DIP2B: variants seen among roughly 807,000 people sequenced by gnomAD.
DIP2B encodes disco-interacting protein 2 homolog B.
In DIP2B, 76 loss-of-function variants were observed where a neutral mutation model predicts 198.0. That is an observed-to-expected ratio of 0.38 (90% CI 0.32 to 0.46). The LOEUF (loss-of-function observed/expected upper bound fraction) is 0.46. Ranked by LOEUF, DIP2B falls within the 20% of genes least tolerant of loss-of-function variation. The pLI, the probability that DIP2B is intolerant of heterozygous loss-of-function variation, is 0.99. For missense variants in DIP2B, 1,559 were observed against 1,978.4 expected (o/e 0.79, Z 4.02); for synonymous variants, 701 against 739.1 (o/e 0.95, Z 0.84).
intron 3 of DIP2B, among the ~76,000 whole-genome samples, chr12:50,641,310 T>C (rs913833332): frequency 6.6e-5 from 10 of 152,050 alleles, no homozygotes; most frequent in African/African-American, 2.4e-4. Flanking sequence ...TGAGCTGAGA[T>C]CCCACCACTG....
chr12:50,547,282 C>A (rs768821920), intron 1 of DIP2B, among the ~76,000 whole-genome samples: 20 of 152,078 alleles, frequency 1.3e-4, no homozygotes, highest in Non-Finnish European at 2.5e-4. Flanking sequence ...GATGACTGTA[C>A]AACACTAGAG....
chr12:50,622,764 A>C (rs1565848240), intron 1 of DIP2B, among the ~76,000 whole-genome samples: 1 of 152,148 alleles, frequency 6.6e-6, no homozygotes, highest in Non-Finnish European at 1.5e-5. Context: ...GGCACGCGCC[A>C]CCACTCTCAG....
chr12:50,687,469 C>T (rs774528625), intron 12 of DIP2B, among the ~76,000 whole-genome samples: 16 of 152,028 alleles, frequency 1.1e-4, no homozygotes, highest in Non-Finnish European at 2.4e-4. Context: ...AAATTTTTTT[C>T]AAGATCTGGG....
At chr12:50,690,414 A>G (rs1375403075) in intron 12 of DIP2B, among the ~76,000 whole-genome samples, 2 of 152,110 alleles carry the variant, frequency 1.3e-5, no homozygotes, top group Non-Finnish European at 2.9e-5. Flanking sequence ...AACTGGGCAC[A>G]GTGGCATATG....
At chr12:50,730,387 T>C (rs1415134585) in intron 30 of DIP2B, among the ~76,000 whole-genome samples, 1 of 151,072 alleles carries the variant, frequency 6.6e-6, no homozygotes, top group Non-Finnish European at 1.5e-5. Context: ...TCTCTCTTTT[T>C]TTTTTTTTTT....
chr12:50,673,418 G>GT (rs1170186612), intron 5 of DIP2B, among the ~76,000 whole-genome samples: 2 of 152,200 alleles, frequency 1.3e-5, no homozygotes, highest in Non-Finnish European at 2.9e-5. Context: ...ACTATGTGGT[G>GT]TTTTTTGTTG....
chr12:50,647,575 T>TTCTCTAAGG (rs1353587339), intron 3 of DIP2B, among the ~76,000 whole-genome samples: 1 of 152,152 alleles, frequency 6.6e-6, no homozygotes, highest in Non-Finnish European at 1.5e-5. Context: ...GTCAGTACCT[T>TTCTCTAAGG]AGAAATTAAG....
Position 50,732,553 on chromosome 12 carries a change from C to T in DIP2B, c.3981+17C>T, listed in dbSNP as rs1253608944. 1.2e-6 allele frequency: 2 copies of T among 1,613,482 alleles called. No homozygotes were observed. The highest frequency in any genetic ancestry group is 1.7e-6 in the Non-Finnish European group (2 of 1,179,874). On this transcript the variant is annotated intron_variant, in intron 32 of 37. Transcript: ENST00000301180. The stretch of plus-strand genomic sequence containing the variant: ...TGTTTACAGGTGACCCTCATGAAAT[C>T]TTGTCTGTTGACAAATGGGAGAGGA...
intron 4 of DIP2B, among the ~76,000 whole-genome samples, chr12:50,660,826 G>A (rs1056997904): frequency 2.0e-5 from 3 of 152,102 alleles, no homozygotes; most frequent in South Asian, 2.1e-4. Context: ...CCTGCAAAAC[G>A]TATATAAGTG....
intron 2 of DIP2B, among the ~76,000 whole-genome samples, chr12:50,629,018 A>G (rs1049130376): frequency 1.3e-5 from 2 of 152,224 alleles, no homozygotes; most frequent in East Asian, 1.9e-4. Flanking sequence ...AGCTGGGACT[A>G]CAGGCATGAG....
At chr12:50,607,115 T>G (rs1412355880) in intron 1 of DIP2B, among the ~76,000 whole-genome samples, 1 of 151,920 alleles carries the variant, frequency 6.6e-6, no homozygotes, top group Non-Finnish European at 1.5e-5. Context: ...CTTCTTTTTT[T>G]TTTTTTTGAG....
intron 1 of DIP2B, among the ~76,000 whole-genome samples, chr12:50,518,077 A>G (rs562844661): frequency 4.2e-4 from 64 of 152,318 alleles, no homozygotes; most frequent in African/African-American, 1.4e-3. Context: ...TGAGGTAGCA[A>G]AAAGCACCTA....
chr12:50,690,564 C>T (rs115897564), intron 12 of DIP2B, among the ~76,000 whole-genome samples: 74 of 152,252 alleles, frequency 4.9e-4, no homozygotes, highest in African/African-American at 1.6e-3. Context: ...TGGTAAAAAG[C>T]AACTTGAATG....
chr12:50,555,926 A>G (rs1378762916), intron 1 of DIP2B, among the ~76,000 whole-genome samples: 2 of 152,148 alleles, frequency 1.3e-5, no homozygotes. Flanking sequence ...GTAGCAGCTC[A>G]AGAAACTATT....
At chr12:50,605,782 A>AGGCTGGC in intron 1 of DIP2B, among the ~76,000 whole-genome samples, 1 of 151,388 alleles carries the variant, frequency 6.6e-6, no homozygotes, top group Non-Finnish European at 1.5e-5. Flanking sequence ...TACTTCATTC[A>AGGCTGGC]TTTTTCTCTT....
intron 1 of DIP2B, among the ~76,000 whole-genome samples, chr12:50,612,178 T>A (rs1959037571): frequency 6.6e-6 from 1 of 151,974 alleles, no homozygotes; most frequent in African/African-American, 2.4e-5. Flanking sequence ...TGGGAATGGG[T>A]CAAGGCTGCA....
intron 1 of DIP2B, among the ~76,000 whole-genome samples, chr12:50,590,084 C>T (rs1958805963): frequency 1.3e-5 from 2 of 152,068 alleles, no homozygotes; most frequent in South Asian, 4.1e-4. Context: ...AGACCTCAAA[C>T]TCCTGGGCTC....
chr12:50,628,304 A>G (rs1242993709), intron 2 of DIP2B, among the ~76,000 whole-genome samples: 1 of 152,066 alleles, frequency 6.6e-6, no homozygotes, highest in Non-Finnish European at 1.5e-5. Context: ...CCAGGAGGCA[A>G]AGGTTGCAGT....
chr12:50,688,973 A>G (rs375598630), intron 12 of DIP2B, among the ~76,000 whole-genome samples: 2 of 152,138 alleles, frequency 1.3e-5, no homozygotes, highest in African/African-American at 2.4e-5. Flanking sequence ...GGATCCTCCT[A>G]TTACCCACAG....
Sources: allele counts gnomAD v4.1 joint callset (sites outside exome capture counted in the v4.1 genomes callset), GRCh38; gene constraint gnomAD v4.1.1; transcripts MANE v1.5; gene names NCBI Gene and HGNC (gene_info 2026-07-23, HGNC 2026-07-21).